The following SORCS1 variants were observed in gnomAD, a reference collection of about 807,000 sequenced individuals.
The protein encoded by SORCS1 is VPS10 domain-containing receptor SorCS1.
A neutral mutation model predicts 146.1 loss-of-function variants in SORCS1; 60 were observed. The ratio of observed to expected loss-of-function variants is 0.41; its 90% CI spans 0.33 to 0.51. The LOEUF is 0.51. Ranked by LOEUF, SORCS1 falls within the 20% of genes least tolerant of loss-of-function variation. The pLI is 0.21. For synonymous variants in SORCS1, 637 were observed against 584.0 expected (o/e 1.09, Z -1.31); for missense variants, 1,352 against 1,487.6 (o/e 0.91, Z 1.50).
chr10:106,743,108 A>T (rs1356143165), intron 5 of SORCS1, among the ~76,000 whole-genome samples: 2 of 152,154 alleles, frequency 1.3e-5, no homozygotes, highest in Non-Finnish European at 2.9e-5. Context: ...TATGGATGTG[A>T]ATTCCTAAAG....
chr10:107,149,449 T>C (rs1309532996), intron 1 of SORCS1, among the ~76,000 whole-genome samples: 1 of 152,198 alleles, frequency 6.6e-6, no homozygotes, highest in East Asian at 1.9e-4. Context: ...CTAATACTGA[T>C]TTGAGAAGCA....
rs1029235289 is a variant in SORCS1 at position 106,577,893 on chromosome 10, A to G, written c.3372-338T>C. ...GTGCACTGTGAAAATCGGACACCAG[A>G]TGTGACTGCAGTTGTTATCATTATC... On this transcript the variant is annotated intron_variant, in intron 25 of 25. Coordinates refer to ENST00000263054, the MANE Select transcript of SORCS1 (RefSeq NM_052918.5). 1.0e-4 allele frequency: 22 copies of G among 211,844 alleles called. No individual in the cohort carries two copies. In the Admixed American group the frequency reaches 1.2e-3, roughly 11 times the overall value. 13.1% of individuals were successfully genotyped at this position (211,844 alleles called of 1,614,324 possible).
rs1962953728 is a variant in SORCS1 at position 107,077,098 on chromosome 10, C to CT, written c.558+86870dup. Among the ~76,000 whole-genome samples the CT allele has an allele frequency of 2.0e-5, 3 of 152,060 alleles. No homozygotes were observed. In the South Asian group the frequency reaches 6.2e-4, roughly 32 times the overall value. On this transcript the variant is annotated intron_variant, in intron 1 of 25. Coordinates refer to ENST00000263054, the MANE Select transcript of SORCS1 (RefSeq NM_052918.5). Reference sequence around the variant, plus strand: ...CCAATCACTTTTATCTTCCTTCATACTTTCAGACTGTTTCTATTGACCTAA... The same window carrying CT: ...CCAATCACTTTTATCTTCCTTCATACTTTTCAGACTGTTTCTATTGACCTAA...
chr10:106,961,861 G>T (rs1414773957), intron 1 of SORCS1, among the ~76,000 whole-genome samples: 1 of 152,170 alleles, frequency 6.6e-6, no homozygotes, highest in Admixed American at 6.5e-5. Flanking sequence ...TGCTACTCTG[G>T]GCTCTGGGTT....
At chr10:107,155,590 A>G (rs1969213077) in intron 1 of SORCS1, among the ~76,000 whole-genome samples, 1 of 152,186 alleles carries the variant, frequency 6.6e-6, no homozygotes, top group Admixed American at 6.5e-5. Context: ...TGTGCCCAAA[A>G]TAGCCTTTTT....
At chr10:106,997,727 C>G (rs966950051) in intron 1 of SORCS1, among the ~76,000 whole-genome samples, 2 of 152,108 alleles carry the variant, frequency 1.3e-5, no homozygotes, top group African/African-American at 4.8e-5. Context: ...TATAACCTGG[C>G]CATTTTGCAG....
chr10:106,711,363 G>A (rs1352861276), intron 6 of SORCS1, among the ~76,000 whole-genome samples: 2 of 152,146 alleles, frequency 1.3e-5, no homozygotes, highest in African/African-American at 2.4e-5. Context: ...AGGAAATAGA[G>A]GTGGGGAATA....
chr10:106,870,115 C>T (rs559512238), intron 2 of SORCS1, among the ~76,000 whole-genome samples: 2 of 152,130 alleles, frequency 1.3e-5, no homozygotes, highest in South Asian at 4.2e-4. Flanking sequence ...GGATAAAATA[C>T]CTAGAAATAC....
intron 6 of SORCS1, among the ~76,000 whole-genome samples, chr10:106,712,621 A>G (rs1855082213): frequency 6.6e-6 from 1 of 152,210 alleles, no homozygotes; most frequent in African/African-American, 2.4e-5. Flanking sequence ...AATTAAAATA[A>G]CATATATGCT....
chr10:106,811,898 A>G (rs948539724), intron 3 of SORCS1, among the ~76,000 whole-genome samples: 4 of 152,182 alleles, frequency 2.6e-5, no homozygotes, highest in African/African-American at 9.7e-5. Context: ...TTGCATGGTT[A>G]CCAGCTACAT....
chr10:107,176,264 T>C, the SORCS1 span, among the ~76,000 whole-genome samples: 4 of 147,380 alleles, frequency 2.7e-5, no homozygotes, highest in African/African-American at 1.0e-4. Flanking sequence ...TTCCTTCCTT[T>C]TCTCTTTCTT....
intron 2 of SORCS1, among the ~76,000 whole-genome samples, chr10:106,831,214 T>C (rs530402903): frequency 6.6e-6 from 1 of 151,912 alleles, no homozygotes; most frequent in Non-Finnish European, 1.5e-5. Flanking sequence ...AAAAAATAAA[T>C]AAATAAATAA....
chr10:106,732,098 A>C (rs954311395), intron 5 of SORCS1, among the ~76,000 whole-genome samples: 2 of 152,216 alleles, frequency 1.3e-5, no homozygotes, highest in African/African-American at 4.8e-5. Context: ...GGAGAAAAGA[A>C]GTCTCCTTAA....
At chr10:106,839,177 G>A (rs1382362442) in intron 2 of SORCS1, among the ~76,000 whole-genome samples, 1 of 152,186 alleles carries the variant, frequency 6.6e-6, no homozygotes, top group Non-Finnish European at 1.5e-5. Flanking sequence ...TAAACTTGGT[G>A]AGGAAGGCAT....
At chr10:106,781,204 T>C (rs1011994169) in intron 3 of SORCS1, among the ~76,000 whole-genome samples, 9 of 152,308 alleles carry the variant, frequency 5.9e-5, no homozygotes, top group Admixed American at 5.2e-4. Context: ...TTCCTAGATA[T>C]GCTGTTCTTG....
chr10:106,975,963 C>T (rs1955977244), intron 1 of SORCS1, among the ~76,000 whole-genome samples: 1 of 152,020 alleles, frequency 6.6e-6, no homozygotes, highest in Non-Finnish European at 1.5e-5. Context: ...GCCTGGCCAA[C>T]GTGGTGAAAC....
At chr10:107,084,437 T>G in intron 1 of SORCS1, among the ~76,000 whole-genome samples, 1 of 152,004 alleles carries the variant, frequency 6.6e-6, no homozygotes, top group East Asian at 1.9e-4. Flanking sequence ...AACTATACTA[T>G]TTCTCAGTCT....
intron 2 of SORCS1, among the ~76,000 whole-genome samples, chr10:106,927,385 G>A (rs1450113297): frequency 6.6e-6 from 1 of 152,052 alleles, no homozygotes; most frequent in Non-Finnish European, 1.5e-5. Flanking sequence ...GTGGGTTCGT[G>A]GTCTCGTTGG....
intron 3 of SORCS1, among the ~76,000 whole-genome samples, chr10:106,806,572 G>C (rs374878431): frequency 2.4e-5 from 3 of 124,504 alleles, no homozygotes; most frequent in African/African-American, 9.3e-5. Context: ...CTGGAGTGCA[G>C]TGGCATGATC....
Sources: gnomAD v4.1 joint callset for allele counts (sites outside exome capture counted in the v4.1 genomes callset) on GRCh38, gnomAD v4.1.1 for gene constraint, MANE v1.5 for transcripts, NCBI Gene and HGNC (gene_info 2026-07-23, HGNC 2026-07-21) for gene names.